The following CASP6 variants were observed in gnomAD, a reference collection of about 807,000 sequenced individuals.
The protein encoded by CASP6 is caspase-6.
Under a neutral mutation model 31.8 loss-of-function variants are expected in CASP6, and 20 were observed. The observed-to-expected ratio is 0.63, with a 90% CI of 0.44 to 0.91. The LOEUF (loss-of-function observed/expected upper bound fraction) is 0.91, where lower values mean the gene tolerates loss of function less well. Among genes scored for constraint, CASP6 ranks in the 40% least tolerant of loss-of-function variants. CASP6 has a pLI of 0.00. For synonymous variants in CASP6, 130 were observed against 127.8 expected, an observed-to-expected ratio of 1.02 and a Z score of -0.12; for missense variants, 328 against 361.1, an observed-to-expected ratio of 0.91 and a Z score of 0.74.
chr4:109,707,224 T>G (rs1212931637), upstream of CASP6, among the ~76,000 whole-genome samples: 1 of 152,192 alleles, frequency 6.6e-6, no homozygotes, highest in African/African-American at 2.4e-5. Context: ...GGAACCAAAC[T>G]CGAAATCCCT....
At chr4:109,706,131 TTATATATATATATATATATATATATA>T (rs58847180), upstream of CASP6, among the ~76,000 whole-genome samples, 26 of 36,100 alleles carry the variant, frequency 7.2e-4, 1 homozygote, top group East Asian at 0.012. Flanking sequence ...CCTATCCATT[TTATATATATATATATATATATATATA>T]TATATATATA....
chr4:109,696,133 G>A (rs1202184200), intron 4 of CASP6, among the ~76,000 whole-genome samples: 1 of 152,098 alleles, frequency 6.6e-6, no homozygotes, highest in Non-Finnish European at 1.5e-5. Context: ...TGCATTTTAG[G>A]CTTTTACTGC....
intron 5 of CASP6, chr4:109,692,363 C>G (rs1279748305): frequency 6.6e-6 from 1 of 152,186 alleles, no homozygotes; most frequent in Admixed American, 6.5e-5. Flanking sequence ...TTAAATCAGT[C>G]AGGTGATTTT....
the CASP6 span, among the ~76,000 whole-genome samples, chr4:109,668,578 T>C: frequency 1.3e-5 from 2 of 152,140 alleles, no homozygotes; most frequent in African/African-American, 4.8e-5. Context: ...ATCTGGGTTT[T>C]TGACCCACTC....
chr4:109,698,365 G>A, intron 1 of CASP6, 23 bp from the exon 2 acceptor site: 1 of 1,603,586 alleles, frequency 6.2e-7, no homozygotes, highest in South Asian at 1.1e-5. Flanking sequence ...GTTGATTTTT[G>A]TTAATTATTT....
chr4:109,696,316 A>G lies in CASP6; in HGVS notation c.307+94T>C, dbSNP rs1161176774. ...GTGCTAAATTAATACTTTTTTTGTC[A>G]CACAAGTAATTACTTGTACCTGTCT... is the stretch of plus-strand genomic sequence containing the variant. On this transcript the variant is annotated intron_variant, in intron 4 of 6. Transcript: ENST00000265164. The G allele has an allele frequency of 1.3e-5, 11 of 869,642 alleles. No individual in the cohort carries two copies. In the East Asian group the frequency reaches 2.7e-4, roughly 21 times the overall value. The allele number at this position is 869,642 out of a possible 1,614,324, so 53.9% of individuals were successfully genotyped here. A position where few individuals can be genotyped will look rare whatever the true frequency, so the allele number is the denominator to read the frequency against.
intron 6 of CASP6, 96 bp from the exon 7 acceptor site, chr4:109,689,664 C>A: frequency 8.7e-7 from 1 of 1,147,800 alleles, no homozygotes; most frequent in Non-Finnish European, 1.3e-6. Context: ...TCTTAAAAAT[C>A]CTTAGAAGAG....
At chr4:109,670,606 C>T in the CASP6 span, among the ~76,000 whole-genome samples, 2 of 151,758 alleles carry the variant, frequency 1.3e-5, no homozygotes, top group Non-Finnish European at 2.9e-5. Context: ...ATCACAGGTA[C>T]TCGGGAGGCT....
chr4:109,704,096 T>C (rs1425091429), upstream of CASP6, among the ~76,000 whole-genome samples: 3 of 152,208 alleles, frequency 2.0e-5, no homozygotes, highest in Non-Finnish European at 4.4e-5. Flanking sequence ...AACTTTCCCT[T>C]CTCTCTCCCC....
chr4:109,694,510 T>A lies in CASP6; in HGVS notation c.483+15A>T, dbSNP rs1425351735. On this transcript the variant is annotated intron_variant, in intron 5 of 6. Coordinates refer to ENST00000265164, the MANE Select transcript of CASP6 (RefSeq NM_001226.4). ...ACAGACTTTATAATTAAGATGATAA[T>A]GTACTCAGTCTTACCTGAATGATAA... 1.3e-6 allele frequency: 2 copies of A among 1,542,872 alleles called. No homozygotes were observed. Among genetic ancestry groups the A allele is most frequent in the African/African-American group, 2.8e-5 (2 of 71,796 alleles).
At chr4:109,683,784 G>C (rs1171103877), downstream of CASP6, among the ~76,000 whole-genome samples, 2 of 152,130 alleles carry the variant, frequency 1.3e-5, no homozygotes, top group Non-Finnish European at 2.9e-5. Flanking sequence ...TGTGTATGCA[G>C]GTATATATTC....
chr4:109,673,222 C>T, the CASP6 span, among the ~76,000 whole-genome samples: 1 of 152,200 alleles, frequency 6.6e-6, no homozygotes, highest in African/African-American at 2.4e-5. Flanking sequence ...CTTTCACTTG[C>T]TGTTCTTTGG....
At chr4:109,681,517 T>G in the CASP6 span, 5 of 446,096 alleles carry the variant, frequency 1.1e-5, no homozygotes, top group Admixed American at 1.2e-4. Context: ...CCTCGTGTTC[T>G]CTGACCTGGG....
the CASP6 span, among the ~76,000 whole-genome samples, chr4:109,672,962 T>A: frequency 5.3e-5 from 8 of 152,240 alleles, no homozygotes; most frequent in Non-Finnish European, 7.3e-5. Context: ...AATAATTTTT[T>A]AAAATTTTAA....
At chr4:109,686,509 A>T (rs1729840922), downstream of CASP6, among the ~76,000 whole-genome samples, 1 of 152,208 alleles carries the variant, frequency 6.6e-6, no homozygotes, top group South Asian at 2.1e-4. Flanking sequence ...TTTTAAAAAA[A>T]ATTTGTGGAT....
chr4:109,678,829 TGGGC>T, the CASP6 span, among the ~76,000 whole-genome samples: 1 of 105,514 alleles, frequency 9.5e-6, no homozygotes, highest in Non-Finnish European at 1.9e-5. Context: ...ACGGGGCAGC[TGGGC>T]AGAGGCGCTC....
chr4:109,694,742 T>A, intron 4 of CASP6, 42 bp from the exon 5 acceptor site: 1 of 1,425,694 alleles, frequency 7.0e-7, no homozygotes, highest in Non-Finnish European at 9.3e-7. Flanking sequence ...GAAAATATGA[T>A]GCTTGTTATC....
At chr4:109,691,137 A>G in intron 5 of CASP6, 128 bp from the exon 6 acceptor site, 1 of 967,764 alleles carries the variant, frequency 1.0e-6, no homozygotes, top group Non-Finnish European at 1.4e-6. Flanking sequence ...GCAGTTCAGA[A>G]GCAATACATT....
At chr4:109,706,458 A>G (rs1730621601), upstream of CASP6, among the ~76,000 whole-genome samples, 1 of 152,102 alleles carries the variant, frequency 6.6e-6, no homozygotes, top group African/African-American at 2.4e-5. Flanking sequence ...TTGAGATAGA[A>G]TCTACTCCTG....
Sources: allele counts gnomAD v4.1 joint callset (sites outside exome capture counted in the v4.1 genomes callset), GRCh38; gene constraint gnomAD v4.1.1; transcripts MANE v1.5; gene names NCBI Gene and HGNC (gene_info 2026-07-23, HGNC 2026-07-21).